SAMD3: variants seen among roughly 807,000 people sequenced by gnomAD.
SAMD3 encodes the protein sterile alpha motif domain-containing protein 3.
A neutral mutation model predicts 58.5 loss-of-function variants in SAMD3; 63 were observed. The ratio of observed to expected loss-of-function variants is 1.08; its 90% CI spans 0.88 to 1.33. The LOEUF is 1.33. SAMD3 is among the 40% of genes most tolerant of loss of function. The pLI, the probability that SAMD3 is intolerant of heterozygous loss-of-function variation, is 0.00. For missense variants in SAMD3, 604 were observed against 608.4 expected (o/e 0.99, Z 0.08); for synonymous variants, 220 against 210.3 (o/e 1.05, Z -0.40).
At chr6:130,253,474 T>C (rs1198460861) in intron 2 of SAMD3, among the ~76,000 whole-genome samples, 2 of 152,196 alleles carry the variant, frequency 1.3e-5, no homozygotes, top group African/African-American at 4.8e-5. Context: ...TTATTTTGAA[T>C]ATTTTAGGGC....
At chr6:130,148,185 T>G (rs961195181) in intron 9 of SAMD3, among the ~76,000 whole-genome samples, 6 of 152,216 alleles carry the variant, frequency 3.9e-5, no homozygotes, top group Admixed American at 1.3e-4. Context: ...CTTTTCTAAT[T>G]CCTTTCTTTC....
At chr6:130,292,612 G>GTTTGT (rs1554271758) in intron 2 of SAMD3, among the ~76,000 whole-genome samples, 70 of 132,428 alleles carry the variant, frequency 5.3e-4, no homozygotes, top group African/African-American at 1.4e-3. Flanking sequence ...TTGTTTGTTT[G>GTTTGT]TTTGTTTTGT....
chr6:130,204,986 G>A (rs996711147), intron 5 of SAMD3, among the ~76,000 whole-genome samples: 17 of 151,954 alleles, frequency 1.1e-4, no homozygotes, highest in Admixed American at 1.0e-3. Flanking sequence ...GCAAGTGGAG[G>A]AGTCAGGATT....
rs370683290 is a variant in SAMD3 at position 130,200,862 on chromosome 6, C to T, written c.383+8633G>A. ...GGAAAAGAGTGTGAAGAAGCCCTAG[C>T]TTTATCAGAATCCCTGTTTTTCTTT... is the stretch of plus-strand genomic sequence containing the variant. On this transcript the variant is annotated intron_variant, in intron 5 of 11. Coordinates refer to ENST00000439090, the MANE Select transcript of SAMD3 (RefSeq NM_001017373.4). 3.9e-5 allele frequency among the ~76,000 whole-genome samples: 6 copies of T among 152,084 alleles called. No homozygotes were observed. In the East Asian group the frequency reaches 1.2e-3, roughly 29 times the overall value.
chr6:130,185,628 ATT>A (rs1224222250), intron 5 of SAMD3, among the ~76,000 whole-genome samples: 2,921 of 132,300 alleles, frequency 0.022, 93 homozygotes, highest in African/African-American at 0.076. Flanking sequence ...CATCTGCCCA[ATT>A]TTTTTTTTTT....
chr6:130,234,722 T>C (rs1796634938), intron 2 of SAMD3, among the ~76,000 whole-genome samples: 2 of 152,214 alleles, frequency 1.3e-5, no homozygotes, highest in Non-Finnish European at 2.9e-5. Context: ...AAATGGGTGA[T>C]CCATGCTCTA....
chr6:130,178,903 C>T (rs1038245721), intron 7 of SAMD3, among the ~76,000 whole-genome samples: 2 of 152,168 alleles, frequency 1.3e-5, no homozygotes, highest in African/African-American at 4.8e-5. Flanking sequence ...GTCAGAGGTG[C>T]CTTATCACCT....
At chr6:130,323,382 A>C (rs912752021) in intron 1 of SAMD3, among the ~76,000 whole-genome samples, 1 of 151,932 alleles carries the variant, frequency 6.6e-6, no homozygotes, top group Non-Finnish European at 1.5e-5. Flanking sequence ...TCACTCTTTC[A>C]CTTGTATTTC....
At chr6:130,220,878 C>CGG (rs1242139631) in intron 1 of SAMD3, among the ~76,000 whole-genome samples, 2 of 150,098 alleles carry the variant, frequency 1.3e-5, no homozygotes, top group East Asian at 1.9e-4. Context: ...TTTTTTTTGA[C>CGG]AGTCTCGCTC....
chr6:130,158,075 G>A (rs1789953932), intron 8 of SAMD3, among the ~76,000 whole-genome samples: 1 of 152,098 alleles, frequency 6.6e-6, no homozygotes, highest in Non-Finnish European at 1.5e-5. Flanking sequence ...TAAATGGATA[G>A]CCTATTATGT....
At chr6:130,185,534 G>A (rs373127654) in intron 5 of SAMD3, among the ~76,000 whole-genome samples, 35 of 150,912 alleles carry the variant, frequency 2.3e-4, no homozygotes, top group African/African-American at 4.4e-4. Flanking sequence ...TCACCATGTT[G>A]GCCAGGATGG....
At chr6:130,282,382 T>A (rs1448693180) in intron 2 of SAMD3, among the ~76,000 whole-genome samples, 1 of 152,092 alleles carries the variant, frequency 6.6e-6, no homozygotes, top group Non-Finnish European at 1.5e-5. Flanking sequence ...CATAGGCAAG[T>A]ATAAATGCAT....
intron 4 of SAMD3, 60 bp downstream of exon 4, chr6:130,214,277 T>C (rs1795834306): frequency 7.1e-7 from 1 of 1,401,326 alleles, no homozygotes; most frequent in Admixed American, 2.4e-5. Flanking sequence ...AACGTCACGC[T>C]CTAGCCATCA....
At chr6:130,180,382 G>C (rs556301727) in intron 7 of SAMD3, among the ~76,000 whole-genome samples, 2 of 146,532 alleles carry the variant, frequency 1.4e-5, no homozygotes, top group Non-Finnish European at 3.0e-5. Context: ...TGATCCGTCC[G>C]CCTTGGCCTC....
chr6:130,153,907 G>A (rs1789483061), intron 9 of SAMD3, among the ~76,000 whole-genome samples: 2 of 151,574 alleles, frequency 1.3e-5, no homozygotes, highest in African/African-American at 4.8e-5. Flanking sequence ...GAACTCCTGG[G>A]CTCAAGCAAT....
At chr6:130,165,833 G>A (rs903135520) in intron 8 of SAMD3, among the ~76,000 whole-genome samples, 6 of 152,076 alleles carry the variant, frequency 3.9e-5, no homozygotes, top group African/African-American at 7.2e-5. Flanking sequence ...GCTTCAAATG[G>A]GGCATTTGAC....
chr6:130,146,906 C>G (rs573013112), intron 9 of SAMD3, among the ~76,000 whole-genome samples: 2 of 152,024 alleles, frequency 1.3e-5, no homozygotes, highest in East Asian at 3.9e-4. Flanking sequence ...CCGGGGAGAT[C>G]GAGACTGCAG....
intron 7 of SAMD3, chr6:130,182,972 T>G (rs1166585737): frequency 5.5e-6 from 1 of 183,262 alleles, no homozygotes; most frequent in East Asian, 1.5e-4. Flanking sequence ...CCTTAACTCA[T>G]AAAGTTACAG....
intron 2 of SAMD3, among the ~76,000 whole-genome samples, chr6:130,216,141 T>C (rs981828915): frequency 6.6e-6 from 1 of 152,032 alleles, no homozygotes; most frequent in Non-Finnish European, 1.5e-5. Flanking sequence ...TATTTTTGTA[T>C]GCCACTTGTC....
Sources: gnomAD v4.1 joint callset for allele counts (sites outside exome capture counted in the v4.1 genomes callset) on GRCh38, gnomAD v4.1.1 for gene constraint, MANE v1.5 for transcripts, NCBI Gene and HGNC (gene_info 2026-07-23, HGNC 2026-07-21) for gene names.